Variants in SDCCAG8 observed in about 807,000 individuals in gnomAD.
The protein encoded by SDCCAG8 is serologically defined colon cancer antigen 8.
A neutral mutation model predicts 101.8 loss-of-function variants in SDCCAG8; 74 were observed. That is an observed-to-expected ratio of 0.73 (90% confidence interval 0.60 to 0.88). The LOEUF is 0.88. Among genes scored for constraint, SDCCAG8 ranks in the 40% least tolerant of loss-of-function variants. SDCCAG8 has a pLI of 0.00. For missense variants in SDCCAG8, 787 were observed against 822.6 expected (o/e 0.96, Z 0.53); for synonymous variants, 281 against 292.9 (o/e 0.96, Z 0.41).
chr1:243,270,884 T>G, intron 2 of SDCCAG8, 94 bp from the exon 3 acceptor site: 1 of 875,836 alleles, frequency 1.1e-6, no homozygotes, highest in Non-Finnish European at 2.0e-6. Flanking sequence ...ATGCATAATA[T>G]ATCAGCAATT....
intron 17 of SDCCAG8, among the ~76,000 whole-genome samples, chr1:243,498,589 T>A (rs1185865221): frequency 2.0e-5 from 3 of 152,258 alleles, no homozygotes; most frequent in Non-Finnish European, 4.4e-5. Flanking sequence ...TCAGGGTCTC[T>A]CACACACTGG....
At chr1:243,295,823 CT>C (rs973402210) in intron 6 of SDCCAG8, among the ~76,000 whole-genome samples, 28 of 152,100 alleles carry the variant, frequency 1.8e-4, no homozygotes, top group East Asian at 3.9e-4. Context: ...ATGCCTCCCC[CT>C]AGCACTGTGT....
At chr1:243,342,093 T>TCCTATTA (rs2075411061) in intron 11 of SDCCAG8, among the ~76,000 whole-genome samples, 1 of 152,196 alleles carries the variant, frequency 6.6e-6, no homozygotes, top group South Asian at 2.1e-4. Flanking sequence ...TTTTAAAAAT[T>TCCTATTA]CCTATTAGCT....
intron 10 of SDCCAG8, among the ~76,000 whole-genome samples, chr1:243,339,587 T>G (rs1443309714): frequency 1.3e-5 from 2 of 152,228 alleles, no homozygotes; most frequent in Non-Finnish European, 2.9e-5. Context: ...TAGGGATGTG[T>G]AAAAAACCAT....
intron 1 of SDCCAG8, among the ~76,000 whole-genome samples, chr1:243,265,415 C>T (rs955818615): frequency 1.1e-4 from 17 of 152,084 alleles, no homozygotes; most frequent in Admixed American, 2.0e-4. Context: ...CATTATTTCA[C>T]GTAATATTAT....
intron 1 of SDCCAG8, among the ~76,000 whole-genome samples, chr1:243,260,164 A>G (rs1572804232): frequency 6.6e-6 from 1 of 152,336 alleles, no homozygotes; most frequent in East Asian, 1.9e-4. Flanking sequence ...GAAAAACCGG[A>G]AGGCTTTGTT....
intron 17 of SDCCAG8, among the ~76,000 whole-genome samples, chr1:243,491,821 G>C (rs1666489438): frequency 6.6e-6 from 1 of 152,196 alleles, no homozygotes; most frequent in Admixed American, 6.5e-5. Flanking sequence ...GGGCAGCTGA[G>C]GGTTAGAGCT....
intron 4 of SDCCAG8, among the ~76,000 whole-genome samples, chr1:243,282,685 ATTCTAGG>A (rs2069169638): frequency 6.6e-6 from 1 of 152,172 alleles, no homozygotes; most frequent in Non-Finnish European, 1.5e-5. Context: ...TGAATCCAGA[ATTCTAGG>A]TTGGTGGGTT....
At chr1:243,423,464 C>T (rs2148034454) in intron 15 of SDCCAG8, among the ~76,000 whole-genome samples, 1 of 152,138 alleles carries the variant, frequency 6.6e-6, no homozygotes, top group Middle Eastern at 3.4e-3. Flanking sequence ...TTTTCTATAT[C>T]AGTAAATACT....
At chr1:243,286,704 G>A (rs1444326130) in intron 5 of SDCCAG8, among the ~76,000 whole-genome samples, 2 of 152,132 alleles carry the variant, frequency 1.3e-5, no homozygotes, top group African/African-American at 2.4e-5. Flanking sequence ...TCTAGAAACC[G>A]TTCAGAACTT....
At chr1:243,282,381 C>T (rs2069138105) in intron 4 of SDCCAG8, among the ~76,000 whole-genome samples, 2 of 152,158 alleles carry the variant, frequency 1.3e-5, no homozygotes, top group South Asian at 4.1e-4. Flanking sequence ...CTGCCATTAA[C>T]TTCAGTTATT....
intron 9 of SDCCAG8, among the ~76,000 whole-genome samples, chr1:243,329,556 T>C (rs575442475): frequency 6.6e-6 from 1 of 152,322 alleles, no homozygotes; most frequent in African/African-American, 2.4e-5. Context: ...GGGTTCTTTC[T>C]ACCATTTCAG....
intron 13 of SDCCAG8, among the ~76,000 whole-genome samples, chr1:243,384,959 A>T (rs1256153535): frequency 6.6e-6 from 1 of 152,194 alleles, no homozygotes; most frequent in African/African-American, 2.4e-5. Context: ...AAAAATGTTC[A>T]TCCATTTATT....
intron 17 of SDCCAG8, among the ~76,000 whole-genome samples, chr1:243,494,972 T>C (rs1294665900): frequency 6.6e-6 from 1 of 152,248 alleles, no homozygotes; most frequent in African/African-American, 2.4e-5. Context: ...GAGGCTCCAC[T>C]CTCTGCTGTT....
Position 243,426,540 on chromosome 1 carries a change from A to G in SDCCAG8, c.1967A>G (p.His656Arg), listed in dbSNP as rs761503701. Reference sequence around the variant, plus strand: ...CAGTGTGTCCAGCATGGGAGAGTACATGAGACGATGAAGCAAAGGTAATCA... The same window carrying G: ...CAGTGTGTCCAGCATGGGAGAGTACGTGAGACGATGAAGCAAAGGTAATCA... ...EEQCVQHGRV[H>R]ETMKQRLRQL... Residue 656 changes from histidine to arginine, a missense_variant, in exon 16 of 18, where the codon CAT (histidine) becomes CGT (arginine). By Grantham distance (29) the His-to-Arg change is conservative (BLOSUM62 0). Coordinates refer to ENST00000366541, the MANE Select transcript of SDCCAG8 (RefSeq NM_006642.5). The G allele has an allele frequency of 6.2e-6, 10 of 1,613,908 alleles. No homozygotes were observed. Among genetic ancestry groups the G allele is most frequent in the Non-Finnish European group, 8.5e-6 (10 of 1,179,936 alleles).
At chr1:243,326,271 G>A (rs1452089060) in intron 9 of SDCCAG8, among the ~76,000 whole-genome samples, 1 of 152,028 alleles carries the variant, frequency 6.6e-6, no homozygotes, top group Non-Finnish European at 1.5e-5. Context: ...ATATTTATGG[G>A]TTACATGTGA....
At chr1:243,395,429 C>T (rs2147955611) in intron 13 of SDCCAG8, among the ~76,000 whole-genome samples, 1 of 152,222 alleles carries the variant, frequency 6.6e-6, no homozygotes, top group Non-Finnish European at 1.5e-5. Flanking sequence ...GCTGGGAAAA[C>T]TTAATCAATA....
rs1010973626 is a variant in SDCCAG8, at chr1:243,476,179, C to T, written c.1986-12835C>T. The T allele has an allele frequency of 4.1e-5, 40 of 985,450 alleles. No homozygotes were observed. The South Asian group carries it at 1.5e-3, about 37-fold the overall frequency. 61.0% of individuals were successfully genotyped at this position (985,450 alleles called of 1,614,324 possible). A position where few individuals can be genotyped will look rare whatever the true frequency, so the allele number is the denominator to read the frequency against. ...AGTCACTCTGTTCAGCTCAATTGGT[C>T]GCCTTCAGTTACCGTGGCAACCAGC... On this transcript the variant is annotated intron_variant, in intron 16 of 17. Transcript: ENST00000366541.
rs201388041 is a variant in SDCCAG8 at position 243,316,896 on chromosome 1, A to G, written c.1068+3A>G. On this transcript the variant is annotated splice_donor_region_variant and intron_variant, in intron 9 of 17. Transcript: ENST00000366541. The stretch of plus-strand genomic sequence containing the variant: ...AAGCCAATTTTGAAAAAACCAAGGC[A>G]AGTCTAATAAGATGCAAATAAAAGT... 101 of 1,613,902 alleles carry G rather than the reference A, an allele frequency of 6.3e-5. No homozygotes were observed. The highest frequency in any genetic ancestry group is 6.2e-4 in the Admixed American group (37 of 60,018).
Sources: gnomAD v4.1 joint callset for allele counts (sites outside exome capture counted in the v4.1 genomes callset) on GRCh38, gnomAD v4.1.1 for gene constraint, MANE v1.5 for transcripts, NCBI Gene and HGNC (gene_info 2026-07-23, HGNC 2026-07-21) for gene names.